ZNF654: variants seen among roughly 807,000 people sequenced by gnomAD.
ZNF654 encodes zinc finger protein 654.
Under a neutral mutation model 95.3 loss-of-function variants are expected in ZNF654, and 19 were observed. The ratio of observed to expected loss-of-function variants is 0.20; its 90% CI spans 0.14 to 0.29. The LOEUF (loss-of-function observed/expected upper bound fraction) is 0.29, where lower values mean the gene tolerates loss of function less well. Among genes scored for constraint, ZNF654 ranks in the 10% least tolerant of loss-of-function variants. ZNF654 has a pLI of 1.00. For missense variants in ZNF654, 1,046 were observed against 1,341.0 expected, an observed-to-expected ratio of 0.78 and a Z score of 3.44; for synonymous variants, 413 against 457.9, an observed-to-expected ratio of 0.90 and a Z score of 1.25.
At chr3:88,110,166 TTAC>T (rs1434578440) in intron 2 of ZNF654, among the ~76,000 whole-genome samples, 8 of 152,140 alleles carry the variant, frequency 5.3e-5, no homozygotes, top group African/African-American at 1.7e-4. Context: ...CAAGAGGTAG[TTAC>T]TATTATTGTG....
chr3:88,063,599 A>G (rs1203132092), intron 1 of ZNF654, among the ~76,000 whole-genome samples: 1 of 152,180 alleles, frequency 6.6e-6, no homozygotes, highest in Non-Finnish European at 1.5e-5. Context: ...AATTCTTGCT[A>G]TTAATTGGGA....
Position 88,103,157 on chromosome 3 carries a change from T to A in ZNF654, c.333-9958T>A, listed in dbSNP as rs115772772. Among the ~76,000 whole-genome samples the A allele has an allele frequency of 2.6e-3, 401 of 152,224 alleles. 1 individual carries two copies. The highest frequency in any genetic ancestry group is 9.4e-3 in the African/African-American group (390 of 41,538). On this transcript the variant is annotated intron_variant, in intron 2 of 8. Coordinates refer to ENST00000636215, the MANE Select transcript of ZNF654 (RefSeq NM_001350134.2). ...AGCCCAGCTTTCAAAAACCAGAAATTACAGACACATTTTTTTTTAAAAAAG... is the reference window on the plus strand; with the variant it reads ...AGCCCAGCTTTCAAAAACCAGAAATAACAGACACATTTTTTTTTAAAAAAG...
chr3:88,106,346 G>GT (rs1002845793), intron 2 of ZNF654, among the ~76,000 whole-genome samples: 2 of 151,738 alleles, frequency 1.3e-5, no homozygotes, highest in East Asian at 1.9e-4. Flanking sequence ...TTATCTTTTT[G>GT]TTTTTTTGGA....
chr3:88,128,945 A>G lies in ZNF654; in HGVS notation c.687A>G (p.Leu229=). The change falls in exon 5 of 9, where the codon TTA becomes TTG. Residue 229 remains leucine (L), a synonymous_variant. Transcript: ENST00000636215. ...ATCACCCAGAAATCAGTAAAGACTT[A>G]TACTTCCATCAAGCACTCTTCACAT... is the stretch of plus-strand genomic sequence containing the variant. ...CINHPEISKD[L]YFHQALFTCL... is the part of the protein sequence containing the mutation. 6.5e-7 allele frequency: 1 copy of G among 1,535,516 alleles called. No homozygotes were observed. Among genetic ancestry groups the G allele is most frequent in the Non-Finnish European group, 8.7e-7 (1 of 1,146,570 alleles).
intron 1 of ZNF654, among the ~76,000 whole-genome samples, chr3:88,081,831 C>T (rs1708091177): frequency 6.6e-6 from 1 of 152,160 alleles, no homozygotes; most frequent in African/African-American, 2.4e-5. Context: ...GATTTGGGCA[C>T]TAAGTGTGTT....
chr3:88,085,404 A>C (rs73844861), intron 1 of ZNF654, among the ~76,000 whole-genome samples: 1 of 152,170 alleles, frequency 6.6e-6, no homozygotes, highest in Non-Finnish European at 1.5e-5. Flanking sequence ...ATTTCATGTA[A>C]TTTTCACATA....
chr3:88,124,679 A>G (rs1705979599), intron 3 of ZNF654, among the ~76,000 whole-genome samples: 1 of 152,136 alleles, frequency 6.6e-6, no homozygotes. Flanking sequence ...GCTTTGCTTT[A>G]TAACTGCTAC....
Position 88,138,945 on chromosome 3 carries a change from A to C in ZNF654, c.1276A>C (p.Thr426Pro). The C allele has an allele frequency of 8.0e-7, 1 of 1,243,096 alleles. No individual in the cohort carries two copies. Among genetic ancestry groups the C allele is most frequent in the Non-Finnish European group, 1.0e-6 (1 of 995,514 alleles). The allele number at this position is 1,243,096 out of a possible 1,614,324, so 77.0% of individuals were successfully genotyped here. The part of the protein sequence containing the change: ...KRPDEEYNEG[T>P]SSVQNRVRFE... ...TCCAGATGAAGAATATAATGAAGGC[A>C]CAAGTAGTGTTCAAAATCGTGTTCG... Residue 426 changes from threonine (T) to proline (P), a missense_variant, in exon 8 of 9, where the codon ACA becomes CCA. Around this residue, in one of 9 missense-constraint regions of ZNF654, gnomAD observed 78 missense variants for 154.2 expected, o/e 0.51. Transcript: ENST00000636215.
At chr3:88,141,120 C>T in intron 8 of ZNF654, 72 bp downstream of exon 8, 1 of 1,494,876 alleles carries the variant, frequency 6.7e-7, no homozygotes, top group Non-Finnish European at 8.9e-7. Flanking sequence ...TATTATAGAT[C>T]TTTGAGATTT....
At position 88,138,914 on chromosome 3, in the gene ZNF654, C is replaced by T. The variant is rs1410619171; in HGVS notation, c.1245C>T (p.Tyr415=). The T allele has an allele frequency of 5.7e-6, 7 of 1,235,014 alleles. No homozygotes were observed. The Admixed American group carries it at 2.9e-4, about 51-fold the overall frequency. 76.5% of individuals were successfully genotyped at this position (1,235,014 alleles called of 1,614,324 possible). Residue 415 remains tyrosine, a synonymous_variant, in exon 8 of 9, where the codon TAC becomes TAT. Transcript: ENST00000636215. Reference sequence around the variant, plus strand: ...CGTATCGTACTGTTGAAGAGCTTTACAAACGTCCAGATGAAGAATATAATG... The same window carrying T: ...CGTATCGTACTGTTGAAGAGCTTTATAAACGTCCAGATGAAGAATATAATG... ...LEAYRTVEEL[Y]KRPDEEYNEG... is the part of the protein sequence containing the mutation.
intron 4 of ZNF654, among the ~76,000 whole-genome samples, chr3:88,126,549 T>C (rs567509857): frequency 1.7e-4 from 26 of 151,572 alleles, no homozygotes; most frequent in African/African-American, 5.8e-4. Context: ...ACTTCAGTTA[T>C]ATTATTAAAA....
intron 1 of ZNF654, among the ~76,000 whole-genome samples, chr3:88,075,217 C>T (rs1423170608): frequency 1.3e-5 from 2 of 152,224 alleles, no homozygotes; most frequent in East Asian, 3.8e-4. Flanking sequence ...GGCACCACTT[C>T]TACTAGCTGT....
At chr3:88,138,303 T>C (rs540568240) in intron 7 of ZNF654, among the ~76,000 whole-genome samples, 1 of 152,228 alleles carries the variant, frequency 6.6e-6, no homozygotes, top group South Asian at 2.1e-4. Flanking sequence ...TGTGGAAAAT[T>C]GATAAATCTG....
At chr3:88,106,137 T>C (rs2107737359) in intron 2 of ZNF654, among the ~76,000 whole-genome samples, 1 of 152,326 alleles carries the variant, frequency 6.6e-6, no homozygotes, top group East Asian at 1.9e-4. Flanking sequence ...TATAAATTAC[T>C]CAGTCTCAGG....
intron 1 of ZNF654, among the ~76,000 whole-genome samples, chr3:88,077,561 A>C (rs1381489395): frequency 8.5e-5 from 13 of 152,048 alleles, no homozygotes; most frequent in Admixed American, 8.5e-4. Context: ...ATTGTTCTTC[A>C]TTTAATTTAT....
chr3:88,127,681 G>T (rs1706202441), intron 4 of ZNF654, among the ~76,000 whole-genome samples: 1 of 152,144 alleles, frequency 6.6e-6, no homozygotes. Flanking sequence ...TCACTCGTAG[G>T]ATCTAGAATA....
At chr3:88,097,377 A>G in intron 2 of ZNF654, among the ~76,000 whole-genome samples, 1 of 151,828 alleles carries the variant, frequency 6.6e-6, no homozygotes, top group East Asian at 1.9e-4. Context: ...TTTTTTTTTA[A>G]ATAATGGGAG....
At chr3:88,137,047 T>G (rs1163359608) in intron 7 of ZNF654, among the ~76,000 whole-genome samples, 3 of 151,844 alleles carry the variant, frequency 2.0e-5, no homozygotes, top group Admixed American at 1.3e-4. Flanking sequence ...ATACAAAAAT[T>G]AGCCAAGTGT....
chr3:88,100,036 C>G (rs1704315245), intron 2 of ZNF654, among the ~76,000 whole-genome samples: 1 of 152,138 alleles, frequency 6.6e-6, no homozygotes, highest in Non-Finnish European at 1.5e-5. Context: ...AGTGAACAGG[C>G]AACCTGCAGA....
Sources: allele counts gnomAD v4.1 joint callset (sites outside exome capture counted in the v4.1 genomes callset), GRCh38; gene constraint gnomAD v4.1.1; regional missense constraint gnomAD v4.1.1; transcripts MANE v1.5; gene names NCBI Gene and HGNC (gene_info 2026-07-23, HGNC 2026-07-21).